Variants in SDF4 observed in about 807,000 individuals in gnomAD.
SDF4 encodes the protein 45 kDa calcium-binding protein.
A neutral mutation model predicts 34.2 loss-of-function variants in SDF4; 22 were observed. The observed-to-expected ratio is 0.64, with a 90% confidence interval of 0.46 to 0.92. SDF4 has a LOEUF of 0.92. Among genes scored for constraint, SDF4 ranks in the 40% least tolerant of loss-of-function variants. The pLI, the probability that SDF4 is intolerant of heterozygous loss-of-function variation, is 0.00. For synonymous variants in SDF4, 236 were observed against 203.1 expected (o/e 1.16, Z -1.38); for missense variants, 447 against 499.9 (o/e 0.89, Z 1.01).
chr1:1,225,338 A>G (rs1451458939), intron 2 of SDF4, among the ~76,000 whole-genome samples: 3 of 152,156 alleles, frequency 2.0e-5, no homozygotes, highest in Non-Finnish European at 4.4e-5. Context: ...TGCTCCGCTC[A>G]GGGGCAGCCG....
chr1:1,221,714 A>G lies in SDF4; in HGVS notation c.556+1530T>C, dbSNP rs372370003. Among the ~76,000 whole-genome samples, 290 of 152,352 alleles carry G rather than the reference A, an allele frequency of 1.9e-3. 2 individuals carry two copies. The highest frequency in any genetic ancestry group is 6.5e-3 in the African/African-American group (269 of 41,580). On this transcript the variant is annotated intron_variant, in intron 4 of 6. Coordinates refer to ENST00000360001, the MANE Select transcript of SDF4 (RefSeq NM_016176.6). ...AGTGGCTCACGCCTATAATCCCAGC[A>G]CTTTGGGAGACTGCAGTAGGCGGAT...
At chr1:1,221,901 GACTGCACCACTGC>G (rs1649983516) in intron 4 of SDF4, among the ~76,000 whole-genome samples, 1 of 152,242 alleles carries the variant, frequency 6.6e-6, no homozygotes, top group South Asian at 2.1e-4. Flanking sequence ...AGGGAGCCGA[GACTGCACCACTGC>G]ACTGCAGGCT....
Position 1,223,661 on chromosome 1 carries a change from G to A in SDF4, c.442+171C>T, listed in dbSNP as rs540417366. Among the ~76,000 whole-genome samples the A allele has an allele frequency of 7.9e-4, 120 of 152,322 alleles. 2 individuals carry two copies. In the East Asian group the frequency reaches 0.022, roughly 28 times the overall value. ...ACACACCTCTGTCACCAGGATTCTGGCATCATGAACCCAGCTTCCGTGCAC... is the reference window on the plus strand; with the variant it reads ...ACACACCTCTGTCACCAGGATTCTGACATCATGAACCCAGCTTCCGTGCAC... On this transcript the variant is annotated intron_variant, in intron 3 of 6. Transcript: ENST00000360001.
At chr1:1,225,176 G>A (rs1407938993) in intron 2 of SDF4, among the ~76,000 whole-genome samples, 3 of 152,310 alleles carry the variant, frequency 2.0e-5, no homozygotes, top group South Asian at 4.1e-4. Context: ...TGCTGCAGCC[G>A]CCCGTGTCCT....
chr1:1,221,094 GT>G (rs150198396), intron 4 of SDF4: 5 of 278,916 alleles, frequency 1.8e-5, no homozygotes, highest in Admixed American at 4.7e-5. Flanking sequence ...CTTACTTTTA[GT>G]TTTTTTAATG....
chr1:1,228,545 T>G lies in SDF4; in HGVS notation c.228A>C (p.Leu76=). The change falls in exon 2 of 7, where the codon CTA becomes CTC. Residue 76 remains leucine, a synonymous_variant. Coordinates refer to ENST00000360001, the MANE Select transcript of SDF4 (RefSeq NM_016176.6). ...CATCAAAGCCACCCAGGTCCTTGCCTAGGAAGACCTCCTGGTGGAAGCCGC... is the reference window on the plus strand; with the variant it reads ...CATCAAAGCCACCCAGGTCCTTGCCGAGGAAGACCTCCTGGTGGAAGCCGC... ...LNRGFHQEVF[L]GKDLGGFDED... The G allele has an allele frequency of 6.2e-7, 1 of 1,612,876 alleles. No individual in the cohort carries two copies. The highest frequency in any genetic ancestry group is 8.5e-7 in the Non-Finnish European group (1 of 1,179,934).
chr1:1,222,304 C>T (rs79281810), intron 4 of SDF4, among the ~76,000 whole-genome samples: 17,436 of 152,286 alleles, frequency 0.11, 1,140 homozygotes, highest in East Asian at 0.17. Flanking sequence ...TCTGCCTGGA[C>T]GGCTCTCCCA....
At chr1:1,219,683 T>C (rs1294972681) in intron 4 of SDF4, 2 of 985,550 alleles carry the variant, frequency 2.0e-6, no homozygotes, top group Non-Finnish European at 2.4e-6. Context: ...CACCCCGAGG[T>C]CCCCACACAT....
chr1:1,221,823 G>A (rs749216753), intron 4 of SDF4, among the ~76,000 whole-genome samples: 12 of 152,108 alleles, frequency 7.9e-5, no homozygotes, highest in East Asian at 5.8e-4. Flanking sequence ...AGCCAGGCGC[G>A]GTGATGGTGC....
chr1:1,224,506 C>A (rs1223852381), intron 2 of SDF4, among the ~76,000 whole-genome samples: 2 of 152,222 alleles, frequency 1.3e-5, no homozygotes, highest in Non-Finnish European at 2.9e-5. Flanking sequence ...TCTCAAACTC[C>A]TGACCTCAAA....
chr1:1,219,442 G>A (rs1046228491), intron 4 of SDF4: 31 of 1,013,414 alleles, frequency 3.1e-5, no homozygotes, highest in African/African-American at 1.2e-4. Flanking sequence ...CTGGAGGAGC[G>A]GAATCACCCT....
chr1:1,231,699 G>A (rs1225069564), intron 1 of SDF4, among the ~76,000 whole-genome samples, 193 bp downstream of exon 1: 1 of 150,812 alleles, frequency 6.6e-6, no homozygotes, highest in Non-Finnish European at 1.5e-5. Flanking sequence ...AGCGTCGTCG[G>A]CCTGTCCCTG....
In SDF4 at chr1:1,225,503, C is replaced by T. The variant is rs988225857; in HGVS notation, c.306-1535G>A. ...GAAGAAGGCCAGGCTGCCGCTCACA[C>T]GCGCCCCTCCCTCAGCAGCCGCAGC... is the stretch of plus-strand genomic sequence containing the variant. On this transcript the variant is annotated intron_variant, in intron 2 of 6. Coordinates refer to ENST00000360001, the MANE Select transcript of SDF4 (RefSeq NM_016176.6). Among the ~76,000 whole-genome samples, 28 of 152,334 alleles carry T rather than the reference C, an allele frequency of 1.8e-4. 1 individual carries two copies. Among genetic ancestry groups the T allele is most frequent in the African/African-American group, 6.0e-4 (25 of 41,570 alleles).
At position 1,228,580 on chromosome 1, in the gene SDF4, G is replaced by T; in HGVS notation, c.193C>A (p.His65Asn). The change falls in exon 2 of 7, where the codon CAC becomes AAC. Residue 65 changes from histidine (H) to asparagine (N), a missense_variant. Transcript: ENST00000360001. ...LNGVKLEMDG[H>N]LNRGFHQEVF... ...TCCTGGTGGAAGCCGCGATTGAGGT[G>T]CCCGTCCATCTCCAGCTTCACCCCG... is the stretch of plus-strand genomic sequence containing the variant. 6.2e-7 allele frequency: 1 copy of T among 1,613,198 alleles called. No individual in the cohort carries two copies. The highest frequency in any genetic ancestry group is 1.1e-5 in the South Asian group (1 of 91,092).
intron 4 of SDF4, among the ~76,000 whole-genome samples, chr1:1,221,957 G>GA (rs1347223268): frequency 6.6e-6 from 1 of 151,576 alleles, no homozygotes. Context: ...CATGAAAAAA[G>GA]AAAGAAGAGG....
At chr1:1,219,049 C>T (rs777640710) in intron 4 of SDF4, 122 bp from the exon 5 acceptor site, 1 of 1,593,630 alleles carries the variant, frequency 6.3e-7, no homozygotes, top group African/African-American at 1.3e-5. Flanking sequence ...GGGGCCCCAC[C>T]CTCCAGGATT....
At chr1:1,220,605 C>T (rs144738753) in intron 4 of SDF4, 14 of 1,288,658 alleles carry the variant, frequency 1.1e-5, no homozygotes, top group Admixed American at 9.2e-5. Context: ...CAGGGAACAG[C>T]ACCTCAGCAT....
At chr1:1,221,642 A>AATTAAAC (rs1248886944) in intron 4 of SDF4, among the ~76,000 whole-genome samples, 1 of 152,028 alleles carries the variant, frequency 6.6e-6, no homozygotes, top group Non-Finnish European at 1.5e-5. Flanking sequence ...ACTCTTAAAC[A>AATTAAAC]ATTAAAAATT....
At chr1:1,224,956 A>G (rs1638248102) in intron 2 of SDF4, among the ~76,000 whole-genome samples, 1 of 152,196 alleles carries the variant, frequency 6.6e-6, no homozygotes, top group South Asian at 2.1e-4. Context: ...TTAAGTTGTG[A>G]GATTTAGGAA....
Sources: allele counts gnomAD v4.1 joint callset (sites outside exome capture counted in the v4.1 genomes callset), GRCh38; gene constraint gnomAD v4.1.1; transcripts MANE v1.5; gene names NCBI Gene and HGNC (gene_info 2026-07-23, HGNC 2026-07-21).